BNC2: variants seen among roughly 807,000 people sequenced by gnomAD.
The protein encoded by BNC2 is basonuclin zinc finger protein 2, also known as zinc finger protein basonuclin-2.
Under a neutral mutation model 76.3 loss-of-function variants are expected in BNC2, and 20 were observed. The observed-to-expected ratio is 0.26, with a 90% CI of 0.18 to 0.38. The LOEUF is 0.38. Among genes scored for constraint, BNC2 ranks in the 10% least tolerant of loss-of-function variants. The probability of loss-of-function intolerance (pLI) is 1.00; values close to 1 mark genes in which losing one functional copy is unlikely to be tolerated. For synonymous variants in BNC2, 582 were observed against 514.8 expected, an observed-to-expected ratio of 1.13 and a Z score of -1.77; for missense variants, 1,382 against 1,399.8, an observed-to-expected ratio of 0.99 and a Z score of 0.20.
intron 1 of BNC2, among the ~76,000 whole-genome samples, chr9:16,807,559 A>AG (rs1188806713): frequency 6.6e-6 from 1 of 152,128 alleles, no homozygotes; most frequent in Non-Finnish European, 1.5e-5. Context: ...AGGTGGAGGG[A>AG]GGGGAGGTCA....
At chr9:16,693,834 A>G (rs921816949) in intron 3 of BNC2, among the ~76,000 whole-genome samples, 1 of 152,240 alleles carries the variant, frequency 6.6e-6, no homozygotes, top group African/African-American at 2.4e-5. Flanking sequence ...TGCAAACATT[A>G]GAAAGAAATT....
chr9:16,492,003 GT>G (rs1332193712), intron 5 of BNC2, among the ~76,000 whole-genome samples: 19 of 152,104 alleles, frequency 1.2e-4, no homozygotes, highest in African/African-American at 4.6e-4. Context: ...GATTATAACC[GT>G]TTCATCTACA....
chr9:16,773,637 G>A (rs571460304), intron 1 of BNC2, among the ~76,000 whole-genome samples: 2 of 152,108 alleles, frequency 1.3e-5, no homozygotes, highest in Non-Finnish European at 2.9e-5. Context: ...GGGGCTTGTC[G>A]CTACAGTAAA....
chr9:16,536,150 TA>T (rs201516211), intron 5 of BNC2, among the ~76,000 whole-genome samples: 13 of 151,642 alleles, frequency 8.6e-5, no homozygotes, highest in African/African-American at 2.4e-4. Flanking sequence ...TTACTCACTT[TA>T]AAAAAAAATC....
chr9:16,613,907 T>C (rs1308875528), intron 3 of BNC2, among the ~76,000 whole-genome samples: 1 of 151,798 alleles, frequency 6.6e-6, no homozygotes, highest in East Asian at 1.9e-4. Flanking sequence ...GATGACATCA[T>C]GAGACAACTC....
intron 1 of BNC2, among the ~76,000 whole-genome samples, chr9:16,812,183 G>T (rs1416921648): frequency 6.6e-6 from 1 of 152,220 alleles, no homozygotes; most frequent in East Asian, 1.9e-4. Context: ...CTGGGTTTCT[G>T]AAGTGAAACC....
At chr9:16,677,516 T>C (rs539363465) in intron 3 of BNC2, among the ~76,000 whole-genome samples, 1 of 151,224 alleles carries the variant, frequency 6.6e-6, no homozygotes, top group African/African-American at 2.4e-5. Context: ...GAGGTTGCAG[T>C]GAGCCAAGAT....
chr9:16,762,996 A>G (rs1319688685), intron 1 of BNC2, among the ~76,000 whole-genome samples: 1 of 152,156 alleles, frequency 6.6e-6, no homozygotes, highest in African/African-American at 2.4e-5. Context: ...AAGTGACTTG[A>G]CCAAGACTCA....
At chr9:16,495,048 T>C (rs1227084901) in intron 5 of BNC2, among the ~76,000 whole-genome samples, 2 of 152,204 alleles carry the variant, frequency 1.3e-5, no homozygotes, top group Non-Finnish European at 2.9e-5. Context: ...CATTAGCAAG[T>C]GTGACTTTCC....
intron 1 of BNC2, among the ~76,000 whole-genome samples, chr9:16,840,429 A>T (rs1818798721): frequency 6.6e-6 from 1 of 152,188 alleles, no homozygotes; most frequent in Admixed American, 6.5e-5. Context: ...CTCCCCCTTA[A>T]GCCACTAGCT....
rs543565213 is a variant in BNC2 at position 16,791,712 on chromosome 9, T to C, written c.4-53227A>G. On this transcript the variant is annotated intron_variant, in intron 1 of 6. Transcript: ENST00000380672. ...AACAAAGTCACATACTGACACTGTG[T>C]TTCTATGACTTGCCCTATAAAATAA... Among the ~76,000 whole-genome samples the C allele has an allele frequency of 3.9e-5, 6 of 152,300 alleles. No homozygotes were observed. In the South Asian group the frequency reaches 1.2e-3, roughly 32 times the overall value.
intron 4 of BNC2, chr9:16,575,475 G>A (rs554531225): frequency 3.1e-6 from 3 of 981,846 alleles, no homozygotes; most frequent in African/African-American, 3.5e-5. Flanking sequence ...GGGAGGCACT[G>A]TTTGCGCTGG....
chr9:16,841,943 G>C (rs1213315214), intron 1 of BNC2, among the ~76,000 whole-genome samples: 2 of 151,964 alleles, frequency 1.3e-5, no homozygotes, highest in African/African-American at 4.8e-5. Flanking sequence ...CCAAGTAGCT[G>C]GGATTACAGG....
intron 1 of BNC2, among the ~76,000 whole-genome samples, chr9:16,844,648 G>A (rs970114734): frequency 5.3e-5 from 8 of 151,924 alleles, no homozygotes; most frequent in African/African-American, 1.9e-4. Context: ...ACAGGCACCC[G>A]CCACCACGCC....
chr9:16,815,404 A>G (rs1818158433), intron 1 of BNC2, among the ~76,000 whole-genome samples: 1 of 152,220 alleles, frequency 6.6e-6, no homozygotes, highest in Non-Finnish European at 1.5e-5. Flanking sequence ...AGTAGGAGAG[A>G]TTAGATATGG....
intron 1 of BNC2, among the ~76,000 whole-genome samples, chr9:16,825,992 G>A (rs1818445591): frequency 6.6e-6 from 1 of 152,048 alleles, no homozygotes; most frequent in Non-Finnish European, 1.5e-5. Context: ...GGTGACACTG[G>A]TCTGTTCCTA....
In BNC2 at chr9:16,846,682, G is replaced by C. The variant is rs1818990348; in HGVS notation, c.3+23964C>G. Among the ~76,000 whole-genome samples the C allele has an allele frequency of 2.6e-5, 4 of 152,164 alleles. No homozygotes were observed. The South Asian group carries it at 8.3e-4, about 31-fold the overall frequency. On this transcript the variant is annotated intron_variant, in intron 1 of 6. Transcript: ENST00000380672. ...CGGCCCCAGTCATAAGCATATCTAA[G>C]ACAGGATTTCTAAGTTTGTGAAAAT...
At chr9:16,766,090 A>G (rs891673101) in intron 1 of BNC2, among the ~76,000 whole-genome samples, 1 of 152,342 alleles carries the variant, frequency 6.6e-6, no homozygotes, top group Middle Eastern at 3.4e-3. Flanking sequence ...CCCGGCACTC[A>G]TAATTTCTTA....
intron 3 of BNC2, among the ~76,000 whole-genome samples, chr9:16,665,419 G>C (rs1195786627): frequency 2.1e-5 from 2 of 95,574 alleles, no homozygotes; most frequent in African/African-American, 8.6e-5. Context: ...AGAAAAGAAA[G>C]GAAAGAAAGG....
Sources: gnomAD v4.1 joint callset for allele counts (sites outside exome capture counted in the v4.1 genomes callset) on GRCh38, gnomAD v4.1.1 for gene constraint, MANE v1.5 for transcripts, NCBI Gene and HGNC (gene_info 2026-07-23, HGNC 2026-07-21) for gene names.